Variants in WDFY2 observed in about 807,000 individuals in gnomAD.
The protein encoded by WDFY2 is WD repeat and FYVE domain containing 2.
In WDFY2, 36 loss-of-function variants were observed where a neutral mutation model predicts 56.4. That is an observed-to-expected ratio of 0.64 (90% CI 0.49 to 0.84). WDFY2 has a LOEUF of 0.84. Among genes scored for constraint, WDFY2 ranks in the 40% least tolerant of loss-of-function variants. The pLI is 0.00. For missense variants in WDFY2, 444 were observed against 512.2 expected, an observed-to-expected ratio of 0.87 and a Z score of 1.29; for synonymous variants, 176 against 183.7, an observed-to-expected ratio of 0.96 and a Z score of 0.34.
intron 1 of WDFY2, among the ~76,000 whole-genome samples, chr13:51,652,820 C>A (rs1471229653): frequency 2.6e-5 from 4 of 152,210 alleles, no homozygotes; most frequent in African/African-American, 9.7e-5. Flanking sequence ...CGACCTTTCT[C>A]TCTGGCTGCC....
intron 1 of WDFY2, among the ~76,000 whole-genome samples, chr13:51,641,689 A>T (rs1955163691): frequency 6.7e-6 from 1 of 149,568 alleles, no homozygotes; most frequent in East Asian, 2.0e-4. Flanking sequence ...AGCCGGGCGT[A>T]GTGGCGGGCG....
At chr13:51,745,942 G>A (rs1279056721) in intron 7 of WDFY2, among the ~76,000 whole-genome samples, 1 of 148,272 alleles carries the variant, frequency 6.7e-6, no homozygotes, top group African/African-American at 2.5e-5. Context: ...AAAGAATCTT[G>A]CACTGGACTT....
chr13:51,669,536 T>A (rs1172324712), intron 2 of WDFY2, among the ~76,000 whole-genome samples: 1 of 152,218 alleles, frequency 6.6e-6, no homozygotes, highest in African/African-American at 2.4e-5. Context: ...TTCTAGTATA[T>A]TTCTTTTGAC....
intron 1 of WDFY2, among the ~76,000 whole-genome samples, chr13:51,607,671 A>G (rs181099779): frequency 2.0e-5 from 3 of 152,304 alleles, no homozygotes; most frequent in Admixed American, 2.0e-4. Flanking sequence ...AAATAAAAAT[A>G]ATATAGAAGT....
chr13:51,697,711 C>T (rs1249818265), intron 3 of WDFY2, among the ~76,000 whole-genome samples: 1 of 151,608 alleles, frequency 6.6e-6, no homozygotes, highest in African/African-American at 2.4e-5. Context: ...TGGGATATTA[C>T]GTAGCCATTA....
chr13:51,605,512 G>A (rs1194332859), intron 1 of WDFY2, among the ~76,000 whole-genome samples: 1 of 152,206 alleles, frequency 6.6e-6, no homozygotes, highest in Non-Finnish European at 1.5e-5. Flanking sequence ...AAGTTCAATA[G>A]AGTATCATGG....
At chr13:51,751,481 C>G (rs753538664) in intron 8 of WDFY2, 66 bp downstream of exon 8, 1 of 1,400,588 alleles carries the variant, frequency 7.1e-7, no homozygotes, top group East Asian at 2.3e-5. Context: ...CTGCTTATTT[C>G]TTATTTCTTT....
intron 3 of WDFY2, among the ~76,000 whole-genome samples, chr13:51,680,005 G>C (rs1955951305): frequency 6.6e-6 from 1 of 152,126 alleles, no homozygotes; most frequent in South Asian, 2.1e-4. Flanking sequence ...GCTCACTGCA[G>C]CCTTGAGCTC....
intron 2 of WDFY2, among the ~76,000 whole-genome samples, chr13:51,671,623 G>T (rs1318783258): frequency 2.6e-5 from 4 of 151,768 alleles, no homozygotes; most frequent in Admixed American, 6.6e-5. Context: ...TCCTTTGTTG[G>T]ATGTTTTAAT....
intron 6 of WDFY2, among the ~76,000 whole-genome samples, chr13:51,737,835 C>T (rs1390197913): frequency 4.6e-5 from 7 of 152,160 alleles, no homozygotes; most frequent in Admixed American, 6.5e-5. Context: ...TGGCTAACCA[C>T]ATATGCACTT....
intron 1 of WDFY2, among the ~76,000 whole-genome samples, chr13:51,601,837 A>C (rs1593862622): frequency 6.6e-6 from 1 of 152,190 alleles, no homozygotes. Context: ...ATGCAGAGGC[A>C]TGAGTGTGGA....
intron 1 of WDFY2, among the ~76,000 whole-genome samples, chr13:51,634,639 G>A (rs912290446): frequency 2.0e-5 from 3 of 151,984 alleles, no homozygotes; most frequent in African/African-American, 7.2e-5. Context: ...GCAAAACCCC[G>A]TCTCTACTAA....
At chr13:51,753,420 T>G (rs1033509501) in intron 8 of WDFY2, among the ~76,000 whole-genome samples, 4 of 152,228 alleles carry the variant, frequency 2.6e-5, no homozygotes, top group Non-Finnish European at 4.4e-5. Context: ...TTTTGTTAAC[T>G]TTTAGCATTT....
chr13:51,739,188 G>A lies in WDFY2; in HGVS notation c.725+13G>A, dbSNP rs1566210466. 2 of 1,577,678 alleles carry A rather than the reference G, an allele frequency of 1.3e-6. No individual in the cohort carries two copies. The highest frequency in any genetic ancestry group is 3.4e-4 in the Middle Eastern group (2 of 5,964). On this transcript the variant is annotated intron_variant, in intron 7 of 11. Coordinates refer to ENST00000298125, the MANE Select transcript of WDFY2 (RefSeq NM_052950.4). The stretch of plus-strand genomic sequence containing the variant: ...TCCAAGGACACAAGTAAGGTTGCTG[G>A]TGCTTTCATAAAGACTCTGAGAAAA...
intron 2 of WDFY2, among the ~76,000 whole-genome samples, chr13:51,672,424 G>A (rs551054412): frequency 1.2e-4 from 18 of 152,238 alleles, no homozygotes; most frequent in African/African-American, 3.9e-4. Context: ...TTTTATAACA[G>A]TACCATGCTG....
intron 1 of WDFY2, among the ~76,000 whole-genome samples, chr13:51,657,986 T>G (rs926175900): frequency 6.6e-6 from 1 of 152,242 alleles, no homozygotes; most frequent in African/African-American, 2.4e-5. Flanking sequence ...CTGTCAATTT[T>G]CTGTGAATTT....
At chr13:51,592,118 T>C (rs1480880083) in intron 1 of WDFY2, 2 of 151,342 alleles carry the variant, frequency 1.3e-5, no homozygotes, top group African/African-American at 4.9e-5. Context: ...GTTGGGCACA[T>C]GTACCCTAAA....
chr13:51,636,700 T>A (rs1319047523), intron 1 of WDFY2, among the ~76,000 whole-genome samples: 1 of 152,202 alleles, frequency 6.6e-6, no homozygotes, highest in African/African-American at 2.4e-5. Context: ...TGTCTTTGGA[T>A]CATGATCCAT....
rs1405648536 is a variant in WDFY2, at chr13:51,758,178, T to A, written c.1065-14T>A. 2 of 1,543,032 alleles carry A rather than the reference T, an allele frequency of 1.3e-6. No individual in the cohort carries two copies. The highest frequency in any genetic ancestry group is 3.4e-5 in the Admixed American group (2 of 59,424). On this transcript the variant is annotated splice_polypyrimidine_tract_variant and intron_variant, in intron 10 of 11. Coordinates refer to ENST00000298125, the MANE Select transcript of WDFY2 (RefSeq NM_052950.4). ...CCACCTTTTCCCCTCAGAAGCTTTC[T>A]TTGCTCCTTCTAGACGTGCACCCAC...
Sources: allele counts gnomAD v4.1 joint callset (sites outside exome capture counted in the v4.1 genomes callset), GRCh38; gene constraint gnomAD v4.1.1; transcripts MANE v1.5; gene names NCBI Gene and HGNC (gene_info 2026-07-23, HGNC 2026-07-21).